The following DACH2 variants were observed in gnomAD, a reference collection of about 807,000 sequenced individuals.
The protein encoded by DACH2 is dachshund family transcription factor 2.
DACH2 carries 17 observed loss-of-function variants against 35.8 expected under a neutral mutation model. The ratio of observed to expected loss-of-function variants is 0.48; its 90% CI spans 0.33 to 0.71. The LOEUF is 0.71. Ranked by LOEUF, DACH2 falls within the 30% of genes least tolerant of loss-of-function variation. The pLI is 0.02. For missense variants in DACH2, 469 were observed against 472.7 expected (o/e 0.99, Z 0.07); for synonymous variants, 195 against 177.3 (o/e 1.10, Z -0.79).
At chrX:86,751,950 T>C (rs1405380074) in intron 7 of DACH2, among the ~76,000 whole-genome samples, 1 of 111,866 alleles carries the variant, frequency 8.9e-6, no homozygotes, top group African/African-American at 3.2e-5. Flanking sequence ...TGGATGGAGC[T>C]GGAGGCCAAT....
At chrX:86,704,826 GA>G (rs1239756744) in intron 5 of DACH2, among the ~76,000 whole-genome samples, 1 of 110,631 alleles carries the variant, frequency 9.0e-6, no homozygotes, top group Non-Finnish European at 1.9e-5. Context: ...AACCAGTATG[GA>G]AAACAATGTG....
chrX:86,274,378 A>G (rs1048644401), intron 1 of DACH2, among the ~76,000 whole-genome samples: 3 of 109,780 alleles, frequency 2.7e-5, no homozygotes, highest in Non-Finnish European at 5.7e-5. Flanking sequence ...ATTTAGGGGC[A>G]TCATTTCTTT....
chrX:86,533,037 T>TATTTATTTATTTATTTATTTA (rs1569430897), intron 3 of DACH2, among the ~76,000 whole-genome samples: 26 of 111,164 alleles, frequency 2.3e-4, no homozygotes, highest in East Asian at 2.3e-3. Flanking sequence ...ACTTACATTG[T>TATTTATTTATTTATTTATTTA]TTTATTTATT....
intron 7 of DACH2, among the ~76,000 whole-genome samples, chrX:86,789,786 C>T (rs1039375278): frequency 8.1e-5 from 9 of 111,652 alleles, no homozygotes; most frequent in Non-Finnish European, 1.7e-4. Context: ...TATGGAGATG[C>T]TACAGCATAG....
At chrX:86,534,653 T>A (rs1021687820) in intron 3 of DACH2, among the ~76,000 whole-genome samples, 1 of 111,805 alleles carries the variant, frequency 8.9e-6, no homozygotes, top group African/African-American at 3.2e-5. Context: ...AATGACCTAG[T>A]ATTCTCTTTC....
chrX:86,618,345 T>G (rs2040030692), intron 3 of DACH2, among the ~76,000 whole-genome samples: 1 of 112,372 alleles, frequency 8.9e-6, no homozygotes, highest in African/African-American at 3.2e-5. Context: ...GTGCAAAATA[T>G]ACTATAATAT....
At chrX:86,509,018 G>A (rs905836403) in intron 2 of DACH2, among the ~76,000 whole-genome samples, 1 of 111,270 alleles carries the variant, frequency 9.0e-6, no homozygotes, top group Non-Finnish European at 1.9e-5. Context: ...AACATGGGTC[G>A]TTCTACTTGA....
chrX:86,198,177 T>G lies in DACH2; in HGVS notation c.488+49069T>G, dbSNP rs775136944. 5.3e-4 allele frequency among the ~76,000 whole-genome samples: 59 copies of G among 111,608 alleles called. 1 individual carries two copies. Among genetic ancestry groups the G allele is most frequent in the African/African-American group, 1.8e-3 (55 of 30,735 alleles). On this transcript the variant is annotated intron_variant, in intron 1 of 11. Transcript: ENST00000373125. Reference sequence around the variant, plus strand: ...TCCTGAGTTACTTCTGGGTAAATAATGAAATTAAGGCAGAAACCAAGATGT... The same window carrying G: ...TCCTGAGTTACTTCTGGGTAAATAAGGAAATTAAGGCAGAAACCAAGATGT...
chrX:86,410,266 C>G (rs1430248572), intron 2 of DACH2, among the ~76,000 whole-genome samples: 1 of 112,191 alleles, frequency 8.9e-6, no homozygotes, highest in Non-Finnish European at 1.9e-5. Flanking sequence ...TATTAAGTAG[C>G]TTTTTCTCAG....
intron 1 of DACH2, among the ~76,000 whole-genome samples, chrX:86,229,600 C>CATGGAT (rs759002313): frequency 8.9e-6 from 1 of 111,778 alleles, no homozygotes; most frequent in African/African-American, 3.2e-5. Context: ...CATCCATAAG[C>CATGGAT]ATGGATATGT....
intron 1 of DACH2, among the ~76,000 whole-genome samples, chrX:86,357,126 C>A (rs944749970): frequency 1.8e-5 from 2 of 111,650 alleles, no homozygotes; most frequent in Non-Finnish European, 3.8e-5. Flanking sequence ...CTTACTCCTG[C>A]AAGAATGACC....
intron 1 of DACH2, among the ~76,000 whole-genome samples, chrX:86,305,742 AC>A (rs1167004816): frequency 1.8e-5 from 2 of 111,608 alleles, no homozygotes; most frequent in Non-Finnish European, 3.8e-5. Context: ...GAAAAAAAAA[AC>A]ACCCTAAATA....
At chrX:86,767,913 T>TTTTG (rs763857268) in intron 7 of DACH2, among the ~76,000 whole-genome samples, 2 of 110,924 alleles carry the variant, frequency 1.8e-5, no homozygotes, top group African/African-American at 6.6e-5. Flanking sequence ...TCTGATGGGG[T>TTTTG]TTTGTTTGTT....
intron 3 of DACH2, among the ~76,000 whole-genome samples, chrX:86,573,261 T>C (rs1319201185): frequency 9.0e-6 from 1 of 110,955 alleles, no homozygotes; most frequent in African/African-American, 3.3e-5. Flanking sequence ...AACTTTTCAG[T>C]AAATATCACC....
chrX:86,573,449 A>T (rs919991562), intron 3 of DACH2, among the ~76,000 whole-genome samples: 2 of 111,691 alleles, frequency 1.8e-5, no homozygotes, highest in Non-Finnish European at 3.8e-5. Flanking sequence ...AAAATAAATG[A>T]TGTGAAGAAA....
chrX:86,198,194 C>G (rs1478060553), intron 1 of DACH2, among the ~76,000 whole-genome samples: 1 of 111,760 alleles, frequency 8.9e-6, no homozygotes, highest in Non-Finnish European at 1.9e-5. Context: ...AAGGCAGAAA[C>G]CAAGATGTTC....
At chrX:86,212,888 A>G (rs1296588843) in intron 1 of DACH2, among the ~76,000 whole-genome samples, 1 of 111,431 alleles carries the variant, frequency 9.0e-6, no homozygotes, top group Non-Finnish European at 1.9e-5. Flanking sequence ...ACTTTTACCC[A>G]GGAGGCACAA....
intron 1 of DACH2, among the ~76,000 whole-genome samples, chrX:86,336,009 T>C (rs1451381858): frequency 1.8e-5 from 2 of 112,070 alleles, no homozygotes; most frequent in Non-Finnish European, 3.8e-5. Flanking sequence ...GAGATAATCA[T>C]GTGGTTTTTG....
rs377594450 is a variant in DACH2, at chrX:86,561,961, G to C, written c.640+47570G>C. On this transcript the variant is annotated intron_variant, in intron 3 of 11. Coordinates refer to ENST00000373125, the MANE Select transcript of DACH2 (RefSeq NM_053281.3). ...ATTCAGGATGCCAAATCAATATATG[G>C]AATCAATTGCATCTCTATATAAGAA... 1.8e-4 allele frequency among the ~76,000 whole-genome samples: 18 copies of C among 99,762 alleles called. No individual in the cohort carries two copies. In the East Asian group the frequency reaches 2.9e-3, roughly 16 times the overall value. 86.6% of individuals were successfully genotyped at this position (99,762 alleles called of 115,157 possible). A position where few individuals can be genotyped will look rare whatever the true frequency, so the allele number is the denominator to read the frequency against.
Sources: allele counts gnomAD v4.1 joint callset (sites outside exome capture counted in the v4.1 genomes callset), GRCh38; gene constraint gnomAD v4.1.1; transcripts MANE v1.5; gene names NCBI Gene and HGNC (gene_info 2026-07-23, HGNC 2026-07-21).